RAET1E: variants seen among roughly 807,000 people sequenced by gnomAD.
The protein encoded by RAET1E is NKG2D ligand 4.
In RAET1E, 27 loss-of-function variants were observed where a neutral mutation model predicts 21.1. The ratio of observed to expected loss-of-function variants is 1.28; its 90% CI spans 0.94 to 1.76. The LOEUF (loss-of-function observed/expected upper bound fraction) is 1.76, where lower values mean the gene tolerates loss of function less well. Among genes scored for constraint, RAET1E ranks in the 40% most tolerant of loss-of-function variants. RAET1E has a pLI of 0.00. For synonymous variants in RAET1E, 113 were observed against 115.0 expected (o/e 0.98, Z 0.11); for missense variants, 310 against 311.3 (o/e 1.00, Z 0.03).
chr6:149,892,722 T>C (rs1777957502), intron 2 of RAET1E, among the ~76,000 whole-genome samples: 1 of 152,256 alleles, frequency 6.6e-6, no homozygotes, highest in Non-Finnish European at 1.5e-5. Context: ...AGATCCCATT[T>C]GCCAATTTTG....
chr6:149,888,235 T>C lies in RAET1E; in HGVS notation c.*263A>G, dbSNP rs770887493. 3.1e-5 allele frequency: 21 copies of C among 686,304 alleles called. No individual in the cohort carries two copies. Among genetic ancestry groups the C allele is most frequent in the Admixed American group, 7.4e-5 (4 of 54,136 alleles). 42.5% of individuals were successfully genotyped at this position (686,304 alleles called of 1,614,324 possible). A position where few individuals can be genotyped will look rare whatever the true frequency, so the allele number is the denominator to read the frequency against. ...GTAAACGCAGACAGCAAACAAACTT[T>C]CCGTCAAAGAGCTGGATGAAACCTG... On this transcript the variant is annotated 3_prime_UTR_variant, in exon 6 of 6. Coordinates refer to ENST00000357183, the MANE Select transcript of RAET1E (RefSeq NM_001394057.1).
intron 2 of RAET1E, 91 bp from the exon 3 acceptor site, chr6:149,891,125 A>G: frequency 2.2e-6 from 1 of 456,184 alleles, no homozygotes; most frequent in Non-Finnish European, 3.9e-6. Flanking sequence ...AAAAGAAGAC[A>G]TTTAAAAACA....
intron 3 of RAET1E, 147 bp from the exon 4 acceptor site, chr6:149,890,292 C>G (rs1370278159): frequency 1.6e-5 from 12 of 766,778 alleles, no homozygotes; most frequent in Admixed American, 2.7e-5. Flanking sequence ...TTCTGGATCC[C>G]TGTTCCCATC....
chr6:149,888,244 G>C lies in RAET1E; in HGVS notation c.*254C>G. Reference sequence around the variant, plus strand: ...GACAGCAAACAAACTTTCCGTCAAAGAGCTGGATGAAACCTGGGCCGGATG... The same window carrying C: ...GACAGCAAACAAACTTTCCGTCAAACAGCTGGATGAAACCTGGGCCGGATG... On this transcript the variant is annotated 3_prime_UTR_variant, in exon 6 of 6. Transcript: ENST00000357183. The C allele has an allele frequency of 1.4e-6, 1 of 697,738 alleles. No individual in the cohort carries two copies. Among genetic ancestry groups the C allele is most frequent in the Non-Finnish European group, 2.6e-6 (1 of 380,564 alleles). 43.2% of individuals were successfully genotyped at this position (697,738 alleles called of 1,614,324 possible).
chr6:149,888,405 T>C lies in RAET1E; in HGVS notation c.*93A>G. On this transcript the variant is annotated 3_prime_UTR_variant, in exon 6 of 6. Coordinates refer to ENST00000357183, the MANE Select transcript of RAET1E (RefSeq NM_001394057.1). The stretch of plus-strand genomic sequence containing the variant: ...GCTGTGTAGTGTGGGGGCTCAAGAC[T>C]AAGGCAGTGCACCATTTCTGTGGAG... 6.8e-7 allele frequency: 1 copy of C among 1,480,876 alleles called. No homozygotes were observed. Among genetic ancestry groups the C allele is most frequent in the Non-Finnish European group, 9.3e-7 (1 of 1,080,754 alleles). The allele number at this position is 1,480,876 out of a possible 1,614,324, so 91.7% of individuals were successfully genotyped here.
At chr6:149,897,687 A>T (rs1023957627) in intron 1 of RAET1E, among the ~76,000 whole-genome samples, 3 of 152,160 alleles carry the variant, frequency 2.0e-5, no homozygotes, top group Non-Finnish European at 4.4e-5. Flanking sequence ...GGACAAGAGA[A>T]GTCGGAAAGA....
Position 149,890,894 on chromosome 6 carries a change from C to A in RAET1E, c.8G>T (p.Arg3Ile). 6.2e-7 allele frequency: 1 copy of A among 1,610,554 alleles called. No individual in the cohort carries two copies. The highest frequency in any genetic ancestry group is 8.5e-7 in the Non-Finnish European group (1 of 1,177,046). ...CACAGGGCTAGAAGTCAGGGATATT[C>A]TTCGCATACTGTGGAGAGTAACAGG... MR[R>I]ISLTSSPVRL... Residue 3 changes from arginine to isoleucine, a missense_variant, in exon 3 of 6, where the codon AGA becomes ATA. Arg to Ile is a moderately conservative substitution (Grantham distance 97). Transcript: ENST00000357183.
Position 149,887,263 on chromosome 6 carries a change from T to C in RAET1E, c.*1235A>G, listed in dbSNP as rs1777651268. Among the ~76,000 whole-genome samples the C allele has an allele frequency of 2.6e-5, 4 of 152,150 alleles. No homozygotes were observed. Among genetic ancestry groups the C allele is most frequent in the Admixed American group, 1.3e-4 (2 of 15,274 alleles). ...CCTACTCACCAATCCCCTTCACTAT[T>C]GTCAATGGCACTGAAGTCCCAGCCT... On this transcript the variant is annotated 3_prime_UTR_variant, in exon 6 of 6. Transcript: ENST00000357183.
At chr6:149,896,182 G>C (rs977396132) in intron 1 of RAET1E, 150 bp from the exon 2 acceptor site, 1 of 152,234 alleles carries the variant, frequency 6.6e-6, no homozygotes, top group Admixed American at 6.5e-5. Flanking sequence ...GTGCATGTCA[G>C]ACCCAGAGGG....
chr6:149,893,466 G>T (rs7767588), intron 2 of RAET1E, among the ~76,000 whole-genome samples: 62,330 of 151,662 alleles, frequency 0.41, 13,618 homozygotes, highest in East Asian at 0.88. Flanking sequence ...TGTAGCAATT[G>T]TGAATGGGAC....
intron 1 of RAET1E, 128 bp downstream of exon 1, chr6:149,897,891 CCA>C (rs1166056621): frequency 2.0e-5 from 3 of 152,072 alleles, no homozygotes; most frequent in African/African-American, 7.3e-5. Context: ...TCCCCCAACC[CCA>C]CTTTTACTTC....
chr6:149,888,309 G>T lies in RAET1E; in HGVS notation c.*189C>A. ...CCCCAGGCAGGCGTTCCAGATCTTT[G>T]ACCTTGCCCCTCCTCGAGAGGAGAT... On this transcript the variant is annotated 3_prime_UTR_variant, in exon 6 of 6. Coordinates refer to ENST00000357183, the MANE Select transcript of RAET1E (RefSeq NM_001394057.1). The T allele has an allele frequency of 1.3e-6, 1 of 763,594 alleles. No homozygotes were observed. The highest frequency in any genetic ancestry group is 2.2e-6 in the Non-Finnish European group (1 of 450,566). The allele number at this position is 763,594 out of a possible 1,614,324, so 47.3% of individuals were successfully genotyped here.
In RAET1E at chr6:149,890,215, C is replaced by T; in HGVS notation, c.86-70G>A. ...CCCATTAGAACCTGCGCTTCTGTGA[C>T]CCAAGACTCCCTGGACTGGGCCAGG... On this transcript the variant is annotated intron_variant, in intron 3 of 5. Coordinates refer to ENST00000357183, the MANE Select transcript of RAET1E (RefSeq NM_001394057.1). 4.5e-6 allele frequency: 7 copies of T among 1,557,050 alleles called. 1 individual carries two copies. The Admixed American group carries it at 6.9e-5, about 15-fold the overall frequency.
At chr6:149,889,738 G>A in intron 4 of RAET1E, 115 bp from the exon 5 acceptor site, 1 of 1,475,900 alleles carries the variant, frequency 6.8e-7, no homozygotes, top group South Asian at 1.3e-5. Context: ...GCCCAGACTT[G>A]CCCTTTCCTG....
intron 5 of RAET1E, among the ~76,000 whole-genome samples, chr6:149,888,881 G>A (rs59313789): frequency 0.019 from 2,921 of 152,254 alleles, 113 homozygotes; most frequent in African/African-American, 0.068. Flanking sequence ...TTTCTACTGA[G>A]AGAGGTAGCA....
In RAET1E at chr6:149,886,783, G is replaced by A. The variant is rs1777628924; in HGVS notation, c.*1715C>T. On this transcript the variant is annotated 3_prime_UTR_variant, in exon 6 of 6. Transcript: ENST00000357183. ...CACTCCCTGTCAACCCCTTTGCTCT[G>A]TCATTTAGCTTTGATCAGCTTTTTC... 6.6e-6 allele frequency among the ~76,000 whole-genome samples: 1 copy of A among 152,152 alleles called. No individual in the cohort carries two copies. The highest frequency in any genetic ancestry group is 2.1e-4 in the South Asian group (1 of 4,824).
At position 149,890,993 on chromosome 6, in the gene RAET1E, GCACTGC is replaced by G; in HGVS notation, c.-98_-93del. ...ATGTTATCCAACAGCGTGGGTGTGG[GCACTGC>G]CCAAATTCTTTACCCTGGAACAACT... is the stretch of plus-strand genomic sequence containing the variant. On this transcript the variant is annotated 5_prime_UTR_variant, in exon 3 of 6. Transcript: ENST00000357183. 1.1e-6 allele frequency: 1 copy of G among 896,018 alleles called. No individual in the cohort carries two copies. Among genetic ancestry groups the G allele is most frequent in the Non-Finnish European group, 1.8e-6 (1 of 548,714 alleles). 55.5% of individuals were successfully genotyped at this position (896,018 alleles called of 1,614,324 possible).
rs1250420862 is a variant in RAET1E, at chr6:149,884,489, T to A, written c.*4009A>T. 6.5e-7 allele frequency: 1 copy of A among 1,535,988 alleles called. No homozygotes were observed. The highest frequency in any genetic ancestry group is 1.2e-5 in the South Asian group (1 of 84,056). ...CTCTGCGCCGCCGTGGTATCACCTC[T>A]AGGTGGATCTTCTGCCTTTAGGAAG... On this transcript the variant is annotated 3_prime_UTR_variant, in exon 6 of 6. Coordinates refer to ENST00000357183, the MANE Select transcript of RAET1E (RefSeq NM_001394057.1).
chr6:149,897,050 T>C (rs1778142764), intron 1 of RAET1E, among the ~76,000 whole-genome samples: 1 of 152,208 alleles, frequency 6.6e-6, no homozygotes, highest in Admixed American at 6.5e-5. Flanking sequence ...GTTTTGTTTT[T>C]TGAGACCAGG....
Sources: gnomAD v4.1 joint callset for allele counts (sites outside exome capture counted in the v4.1 genomes callset) on GRCh38, gnomAD v4.1.1 for gene constraint, MANE v1.5 for transcripts, NCBI Gene and HGNC (gene_info 2026-07-23, HGNC 2026-07-21) for gene names.